Variants in ATP7B observed in about 807,000 individuals in gnomAD.
ATP7B encodes the protein ATPase copper transporting beta.
ATP7B carries 113 observed loss-of-function variants against 118.9 expected under a neutral mutation model. The ratio of observed to expected loss-of-function variants is 0.95; its 90% confidence interval spans 0.82 to 1.11. ATP7B has a LOEUF of 1.11. ATP7B is among the 50% of genes most tolerant of loss of function. ATP7B has a pLI of 0.00. For synonymous variants in ATP7B, 777 were observed against 727.4 expected (o/e 1.07, Z -1.10); for missense variants, 1,867 against 1,871.4 (o/e 1.00, Z 0.04).
intron 1 of ATP7B, among the ~76,000 whole-genome samples, chr13:51,986,003 A>T (rs550152394): frequency 2.0e-4 from 30 of 152,310 alleles, no homozygotes; most frequent in Middle Eastern, 3.4e-3. Flanking sequence ...AATTAAAAGA[A>T]CTAGAGCAGC....
In ATP7B at chr13:51,934,448, A is replaced by G. The variant is rs1005730888; in HGVS notation, c.*308T>C. 7.6e-5 allele frequency: 34 copies of G among 446,560 alleles called. No homozygotes were observed. Among genetic ancestry groups the G allele is most frequent in the Non-Finnish European group, 9.6e-5 (23 of 238,716 alleles). 27.7% of individuals were successfully genotyped at this position (446,560 alleles called of 1,614,324 possible). On this transcript the variant is annotated 3_prime_UTR_variant, in exon 21 of 21. Coordinates refer to ENST00000242839, the MANE Select transcript of ATP7B (RefSeq NM_000053.4). ...TCACAGCAGTCATCCTAAATACTCC[A>G]AGCAGAGGTCTGTGAGGAGGGTGAC...
In ATP7B at chr13:51,989,597, A is replaced by G. The variant is rs550876969; in HGVS notation, c.52-14429T>C. Among the ~76,000 whole-genome samples the G allele has an allele frequency of 7.2e-5, 11 of 152,342 alleles. No homozygotes were observed. The South Asian group carries it at 2.3e-3, about 32-fold the overall frequency. On this transcript the variant is annotated intron_variant, in intron 1 of 20. Coordinates refer to ENST00000242839, the MANE Select transcript of ATP7B (RefSeq NM_000053.4). ...AACCTCACCACATATGTACATACAA[A>G]TATGTTATTTTCAATATACAACAAA...
At chr13:51,941,319 C>T in intron 15 of ATP7B, 95 bp from the exon 16 acceptor site, 2 of 1,500,278 alleles carry the variant, frequency 1.3e-6, no homozygotes, top group Non-Finnish European at 1.8e-6. Flanking sequence ...ATCCTTTTAA[C>T]CATTCTGAAA....
chr13:51,944,107 AC>A lies in ATP7B; in HGVS notation c.3243+1del. On this transcript the variant is annotated splice_donor_variant, in intron 14 of 20. Transcript: ENST00000242839. LOFTEE classifies it high-confidence loss of function. ...GGCAGGGCCACGCCCAAGTCCACGT[AC>A]CTCTTTACAGTATTTGGTGACTGCC... The A allele has an allele frequency of 6.2e-7, 1 of 1,614,012 alleles. No individual in the cohort carries two copies. The highest frequency in any genetic ancestry group is 8.5e-7 in the Non-Finnish European group (1 of 1,179,970).
In ATP7B at chr13:51,939,090, C is replaced by T. The variant is rs1253901147; in HGVS notation, c.3660G>A (p.Thr1220=). Residue 1220 remains threonine, a synonymous_variant, in exon 17 of 21, where the codon ACG becomes ACA. Coordinates refer to ENST00000242839, the MANE Select transcript of ATP7B (RefSeq NM_000053.4). The part of the protein sequence containing the change: ...QSMGVDVVLI[T]GDNRKTARAI... ...CTCTGGCTGTCTTCCGGTTGTCCCC[C>T]GTGATCAGAACCACGTCCACACCCA... 4 of 1,614,238 alleles carry T rather than the reference C, an allele frequency of 2.5e-6. No homozygotes were observed. The highest frequency in any genetic ancestry group is 3.4e-6 in the Non-Finnish European group (4 of 1,180,048).
At chr13:52,003,956 TC>T (rs1278495740) in intron 1 of ATP7B, among the ~76,000 whole-genome samples, 1 of 152,096 alleles carries the variant, frequency 6.6e-6, no homozygotes, top group Non-Finnish European at 1.5e-5. Context: ...CTAAGCAGGC[TC>T]CCTAAAAGAC....
intron 9 of ATP7B, 83 bp from the exon 10 acceptor site, chr13:51,950,482 C>T: frequency 1.3e-6 from 2 of 1,584,062 alleles, no homozygotes; most frequent in South Asian, 1.1e-5. Context: ...ACAATAGTTA[C>T]ACTGTATTTG....
chr13:52,006,417 TC>T, intron 1 of ATP7B, among the ~76,000 whole-genome samples: 1 of 152,364 alleles, frequency 6.6e-6, no homozygotes, highest in East Asian at 1.9e-4. Context: ...ACCACTGGCC[TC>T]TAATACTCAG....
At chr13:51,997,021 A>T (rs1953243420) in intron 1 of ATP7B, among the ~76,000 whole-genome samples, 1 of 152,238 alleles carries the variant, frequency 6.6e-6, no homozygotes, top group African/African-American at 2.4e-5. Flanking sequence ...GCCAGAGGCC[A>T]GCACTGTGGG....
rs759353316 is a variant in ATP7B, at chr13:51,934,917, A to G, written c.4237T>C (p.Ser1413Pro). ...TGGTCCCATGGTGTGGCCCTGGGGGAGTCCCGCCACCTGTCATCCATGCCT... is the reference window on the plus strand; with the variant it reads ...TGGTCCCATGGTGTGGCCCTGGGGGGGTCCCGCCACCTGTCATCCATGCCT... ...HIGMDDRWRD[S>P]PRATPWDQVS... The change falls in exon 21 of 21, where the codon TCC (serine) becomes CCC (proline). Residue 1413 changes from serine to proline, a missense_variant. Coordinates refer to ENST00000242839, the MANE Select transcript of ATP7B (RefSeq NM_000053.4). The G allele has an allele frequency of 6.2e-7, 1 of 1,613,982 alleles. No individual in the cohort carries two copies.
chr13:51,941,180 A>C lies in ATP7B; in HGVS notation c.3457T>G (p.Trp1153Gly). The change falls in exon 16 of 21, where the codon TGG becomes GGG. Residue 1153 changes from tryptophan to glycine, a missense_variant. Physicochemically the swap from Trp to Gly is radical, Grantham distance 184. Coordinates refer to ENST00000242839, the MANE Select transcript of ATP7B (RefSeq NM_000053.4). ...ATGGTTAAACCGTTGCGCCTCAGCC[A>C]CTCACGGTTTCCAATCAGCACAGAG... ...TFSVLIGNRE[W>G]LRRNGLTISS... 6.2e-7 allele frequency: 1 copy of C among 1,614,142 alleles called. No individual in the cohort carries two copies. Among genetic ancestry groups the C allele is most frequent in the Non-Finnish European group, 8.5e-7 (1 of 1,180,038 alleles).
Position 51,957,559 on chromosome 13 carries a change from C to T in ATP7B, c.2404G>A (p.Glu802Lys), listed in dbSNP as rs1958435079. The T allele has an allele frequency of 6.2e-7, 1 of 1,614,214 alleles. No homozygotes were observed. Among genetic ancestry groups the T allele is most frequent in the South Asian group, 1.1e-5 (1 of 91,092 alleles). Residue 802 changes from glutamate (E) to lysine (K), a missense_variant, in exon 9 of 21, where the codon GAA becomes AAA. Coordinates refer to ENST00000242839, the MANE Select transcript of ATP7B (RefSeq NM_000053.4). The part of the protein sequence containing the change: ...LAKLMSLQAT[E>K]ATVVTLGEDN... ...TCACCAAGGGTCACAACGGTGGCTT[C>T]TGTGGCTTGGAGAGACATGAGTTTA...
intron 1 of ATP7B, among the ~76,000 whole-genome samples, chr13:51,996,836 C>T (rs1381574522): frequency 1.3e-5 from 2 of 152,212 alleles, no homozygotes; most frequent in Non-Finnish European, 2.9e-5. Context: ...CTAAAGCACA[C>T]GCTGAGCAAC....
chr13:51,992,399 G>T (rs1952960656), intron 1 of ATP7B, among the ~76,000 whole-genome samples: 1 of 152,164 alleles, frequency 6.6e-6, no homozygotes, highest in Non-Finnish European at 1.5e-5. Context: ...GGAAACCTAA[G>T]CTCTCACTCA....
In ATP7B at chr13:51,934,025, T is replaced by G. The variant is rs555120820; in HGVS notation, c.*731A>C. ...AAGGGGGCTTTAAGCAAAAAAGAAC[T>G]CTCCTCAACTTGAAGAAGAGTGTGG... On this transcript the variant is annotated 3_prime_UTR_variant, in exon 21 of 21. Coordinates refer to ENST00000242839, the MANE Select transcript of ATP7B (RefSeq NM_000053.4). 1 of 153,120 alleles carries G rather than the reference T, an allele frequency of 6.5e-6. No individual in the cohort carries two copies. Among genetic ancestry groups the G allele is most frequent in the African/African-American group, 2.4e-5 (1 of 41,476 alleles). 9.5% of individuals were successfully genotyped at this position (153,120 alleles called of 1,614,324 possible).
At chr13:52,010,930 TA>T in intron 1 of ATP7B, among the ~76,000 whole-genome samples, 1 of 152,242 alleles carries the variant, frequency 6.6e-6, no homozygotes, top group Non-Finnish European at 1.5e-5. Context: ...CGATATACCA[TA>T]TCTGGTCCAA....
intron 1 of ATP7B, among the ~76,000 whole-genome samples, chr13:51,984,621 A>C (rs1453684148): frequency 2.0e-5 from 3 of 152,166 alleles, no homozygotes; most frequent in Non-Finnish European, 2.9e-5. Flanking sequence ...CGTCAGATTC[A>C]CCAAGCTTGA....
Position 51,954,795 on chromosome 13 carries a change from C to T in ATP7B, c.2447+2721G>A, listed in dbSNP as rs532876163. Among the ~76,000 whole-genome samples the T allele has an allele frequency of 8.5e-5, 13 of 152,312 alleles. No homozygotes were observed. The East Asian group carries it at 2.5e-3, about 29-fold the overall frequency. On this transcript the variant is annotated intron_variant, in intron 9 of 20. Transcript: ENST00000242839. The stretch of plus-strand genomic sequence containing the variant: ...CTTTACCAGTCAACCAAGAAAAACA[C>T]TCCAACCAGCAGGTAGTCTCTGGGA...
rs1202099529 is a variant in ATP7B, at chr13:51,970,679, T to C, written c.1356A>G (p.Thr452=). The C allele has an allele frequency of 6.2e-7, 1 of 1,613,874 alleles. No homozygotes were observed. The highest frequency in any genetic ancestry group is 8.5e-7 in the Non-Finnish European group (1 of 1,179,854). ...GAGCCACTTCCTGCACAGATGTAGGTGTACCATCTGTAGTTTGCACCATGG... is the reference window on the plus strand; with the variant it reads ...GAGCCACTTCCTGCACAGATGTAGGCGTACCATCTGTAGTTTGCACCATGG... ...GNSMVQTTDG[T]PTSVQEVAPH... is the part of the protein sequence containing the mutation. The change falls in exon 3 of 21, where the codon ACA becomes ACG. Residue 452 remains threonine (T), a synonymous_variant. Coordinates refer to ENST00000242839, the MANE Select transcript of ATP7B (RefSeq NM_000053.4).
Sources: allele counts gnomAD v4.1 joint callset (sites outside exome capture counted in the v4.1 genomes callset), GRCh38; gene constraint gnomAD v4.1.1; transcripts MANE v1.5; gene names NCBI Gene and HGNC (gene_info 2026-07-23, HGNC 2026-07-21).